The following GPATCH2 variants were observed in gnomAD, a reference collection of about 807,000 sequenced individuals.
GPATCH2 encodes G-patch domain containing 2.
Under a neutral mutation model 58.0 loss-of-function variants are expected in GPATCH2, and 51 were observed. The ratio of observed to expected loss-of-function variants is 0.88; its 90% confidence interval spans 0.70 to 1.11. GPATCH2 has a LOEUF of 1.11. Among genes scored for constraint, GPATCH2 ranks in the 50% most tolerant of loss-of-function variants. The pLI, the probability that GPATCH2 is intolerant of heterozygous loss-of-function variation, is 0.00. For synonymous variants in GPATCH2, 222 were observed against 218.5 expected (o/e 1.02, Z -0.14); for missense variants, 625 against 652.2 (o/e 0.96, Z 0.45).
intron 7 of GPATCH2, among the ~76,000 whole-genome samples, chr1:217,493,886 T>G (rs1032843644): frequency 6.6e-6 from 1 of 152,100 alleles, no homozygotes; most frequent in African/African-American, 2.4e-5. Context: ...AGACAGATAC[T>G]TGAACACTAT....
chr1:217,592,732 G>A (rs933846936), intron 5 of GPATCH2, among the ~76,000 whole-genome samples: 4 of 151,772 alleles, frequency 2.6e-5, no homozygotes, highest in South Asian at 2.1e-4. Flanking sequence ...TATTAACCTG[G>A]AGGTTAATAA....
chr1:217,512,597 C>A (rs1662908862), intron 6 of GPATCH2, among the ~76,000 whole-genome samples: 1 of 152,130 alleles, frequency 6.6e-6, no homozygotes, highest in Admixed American at 6.5e-5. Flanking sequence ...CAGGGCGAAG[C>A]CATTAAACTA....
chr1:217,520,045 A>T (rs1169604841), intron 5 of GPATCH2, among the ~76,000 whole-genome samples: 1 of 152,160 alleles, frequency 6.6e-6, no homozygotes, highest in Non-Finnish European at 1.5e-5. Flanking sequence ...TTTCACCTTT[A>T]TCTGTCTAGA....
At chr1:217,498,628 A>G in intron 6 of GPATCH2, 1 of 585,610 alleles carries the variant, frequency 1.7e-6, no homozygotes, top group Non-Finnish European at 3.0e-6. Context: ...TTAGAATTAC[A>G]TTTCCATTTA....
At chr1:217,594,666 CAT>C (rs1213157105) in intron 5 of GPATCH2, among the ~76,000 whole-genome samples, 2 of 152,148 alleles carry the variant, frequency 1.3e-5, no homozygotes, top group Non-Finnish European at 2.9e-5. Flanking sequence ...CATACATATT[CAT>C]ATCTTAATTC....
intron 8 of GPATCH2, among the ~76,000 whole-genome samples, chr1:217,467,237 G>A (rs551801440): frequency 1.3e-5 from 2 of 152,304 alleles, no homozygotes; most frequent in African/African-American, 2.4e-5. Flanking sequence ...GTAGAAGCGA[G>A]ACTTCTTTGA....
intron 5 of GPATCH2, among the ~76,000 whole-genome samples, chr1:217,568,585 G>C (rs559903773): frequency 6.6e-6 from 1 of 152,296 alleles, no homozygotes; most frequent in East Asian, 1.9e-4. Context: ...ATGCTTGCAC[G>C]CAATGGAACA....
chr1:217,431,651 C>T (rs970362847), intron 9 of GPATCH2, among the ~76,000 whole-genome samples: 3 of 152,172 alleles, frequency 2.0e-5, no homozygotes, highest in African/African-American at 7.2e-5. Flanking sequence ...CCTACATTGC[C>T]TATCTCACAG....
chr1:217,512,299 G>A (rs1230391149), intron 6 of GPATCH2, among the ~76,000 whole-genome samples: 1 of 152,162 alleles, frequency 6.6e-6, no homozygotes, highest in East Asian at 1.9e-4. Flanking sequence ...TTGCACTCCA[G>A]CCTGGGCAGC....
chr1:217,437,745 A>T (rs1658908352), intron 9 of GPATCH2, among the ~76,000 whole-genome samples: 1 of 152,204 alleles, frequency 6.6e-6, no homozygotes, highest in Admixed American at 6.5e-5. Flanking sequence ...AGGGGCTTAT[A>T]GATAAAAAAC....
chr1:217,524,286 C>T (rs1663689368), intron 5 of GPATCH2, among the ~76,000 whole-genome samples: 1 of 151,396 alleles, frequency 6.6e-6, no homozygotes, highest in Non-Finnish European at 1.5e-5. Context: ...AGACGCTCCT[C>T]ACTTCCTAGA....
intron 7 of GPATCH2, 56 bp from the exon 8 acceptor site, chr1:217,491,806 T>G: frequency 1.5e-6 from 1 of 675,998 alleles, no homozygotes; most frequent in Non-Finnish European, 2.6e-6. Flanking sequence ...ATTATATTAT[T>G]TTGCAAGTAG....
At chr1:217,440,892 T>C (rs943560028) in intron 9 of GPATCH2, among the ~76,000 whole-genome samples, 1 of 152,170 alleles carries the variant, frequency 6.6e-6, no homozygotes, top group African/African-American at 2.4e-5. Context: ...TCCATGCTCA[T>C]GGATAGGAAG....
At chr1:217,630,211 G>A (rs1194720839) in intron 1 of GPATCH2, among the ~76,000 whole-genome samples, 4 of 152,138 alleles carry the variant, frequency 2.6e-5, no homozygotes, top group Admixed American at 2.0e-4. Context: ...CTTTGGACAC[G>A]GTACTTGAAT....
At chr1:217,491,950 T>C (rs987759449) in intron 7 of GPATCH2, among the ~76,000 whole-genome samples, 200 bp from the exon 8 acceptor site, 3 of 151,736 alleles carry the variant, frequency 2.0e-5, no homozygotes, top group Non-Finnish European at 4.4e-5. Flanking sequence ...GGGAGACAAG[T>C]TTTTCTTTTT....
intron 5 of GPATCH2, among the ~76,000 whole-genome samples, chr1:217,529,949 A>G (rs1664106778): frequency 1.3e-5 from 2 of 152,240 alleles, no homozygotes; most frequent in South Asian, 2.1e-4. Flanking sequence ...AAAGTACTAA[A>G]TACTAGTTTA....
chr1:217,611,106 A>G (rs1321713124), intron 3 of GPATCH2, 35 bp from the exon 4 acceptor site: 35 of 1,549,492 alleles, frequency 2.3e-5, no homozygotes, highest in Non-Finnish European at 3.1e-5. Context: ...CCCACCAAAG[A>G]CTCAGTTTTA....
chr1:217,489,172 A>G (rs1366714101), intron 8 of GPATCH2, among the ~76,000 whole-genome samples: 2 of 151,582 alleles, frequency 1.3e-5, no homozygotes, highest in Non-Finnish European at 2.9e-5. Context: ...CCTGGCCTCA[A>G]GCAATCCTCC....
At chr1:217,443,224 G>A (rs182377435) in intron 9 of GPATCH2, among the ~76,000 whole-genome samples, 43 of 152,242 alleles carry the variant, frequency 2.8e-4, no homozygotes, top group African/African-American at 1.0e-3. Flanking sequence ...TCTTCTACAA[G>A]AGGTATAAAA....
Sources: gnomAD v4.1 joint callset for allele counts (sites outside exome capture counted in the v4.1 genomes callset) on GRCh38, gnomAD v4.1.1 for gene constraint, MANE v1.5 for transcripts, NCBI Gene and HGNC (gene_info 2026-07-23, HGNC 2026-07-21) for gene names.